TIAM2: variants seen among roughly 807,000 people sequenced by gnomAD.
The protein encoded by TIAM2 is rho guanine nucleotide exchange factor TIAM2.
TIAM2 carries 80 observed loss-of-function variants against 152.9 expected under a neutral mutation model. The observed-to-expected ratio is 0.52, with a 90% confidence interval of 0.44 to 0.63. TIAM2 has a LOEUF of 0.63. Among genes scored for constraint, TIAM2 ranks in the 30% least tolerant of loss-of-function variants. The probability of loss-of-function intolerance (pLI) is 0.00; values close to 1 mark genes in which losing one functional copy is unlikely to be tolerated. For synonymous variants in TIAM2, 804 were observed against 838.0 expected (o/e 0.96, Z 0.70); for missense variants, 1,965 against 2,120.1 (o/e 0.93, Z 1.44).
chr6:155,091,708 A>G (rs1778308541), intron 2 of TIAM2, among the ~76,000 whole-genome samples: 1 of 151,980 alleles, frequency 6.6e-6, no homozygotes, highest in Admixed American at 6.6e-5. Context: ...TTTTTTTATC[A>G]TCTACATTGG....
At chr6:155,052,670 G>T (rs1209918811) in intron 1 of TIAM2, among the ~76,000 whole-genome samples, 2 of 151,410 alleles carry the variant, frequency 1.3e-5, no homozygotes, top group Admixed American at 6.6e-5. Context: ...GGAGGCTAAG[G>T]CAGGAGAATC....
chr6:155,254,268 T>C lies in TIAM2; in HGVS notation c.4314-151T>C. 13 of 1,069,526 alleles carry C rather than the reference T, an allele frequency of 1.2e-5. No individual in the cohort carries two copies. The South Asian group carries it at 1.6e-4, about 13-fold the overall frequency. The allele number at this position is 1,069,526 out of a possible 1,614,324, so 66.3% of individuals were successfully genotyped here. On this transcript the variant is annotated intron_variant, in intron 25 of 26. Coordinates refer to ENST00000682666, the MANE Select transcript of TIAM2 (RefSeq NM_012454.4). ...TAAGAGTGATCAATTCTCACCTCCT[T>C]CTGTACGGGAGGCCACATGGCACTG... is the stretch of plus-strand genomic sequence containing the variant.
At chr6:155,197,816 T>C (rs771206544) in intron 14 of TIAM2, among the ~76,000 whole-genome samples, 8 of 152,132 alleles carry the variant, frequency 5.3e-5, no homozygotes, top group Non-Finnish European at 1.0e-4. Flanking sequence ...TGCCCAAGGT[T>C]AAATTACCTC....
In TIAM2 at chr6:155,144,794, TG is replaced by T; in HGVS notation, c.1803+17del. 2 of 1,599,028 alleles carry T rather than the reference TG, an allele frequency of 1.3e-6. No homozygotes were observed. The highest frequency in any genetic ancestry group is 1.7e-6 in the Non-Finnish European group (2 of 1,175,532). On this transcript the variant is annotated intron_variant, in intron 6 of 26. Transcript: ENST00000682666. The stretch of plus-strand genomic sequence containing the variant: ...CCTTTTCCAGGTACTGCTGGTACTT[TG>T]TAAGTGGAGGTAATAGCTTATGTAC...
At position 155,051,711 on chromosome 6, in the gene TIAM2, C is replaced by G. The variant is rs143031418; in HGVS notation, c.-208-38578C>G. On this transcript the variant is annotated intron_variant, in intron 1 of 26. Transcript: ENST00000682666. Reference sequence around the variant, plus strand: ...CCAGGCTGGAGTGCAATGGCACAACCTTGGCTCACTGCAACTTCCGCCTCC... The same window carrying G: ...CCAGGCTGGAGTGCAATGGCACAACGTTGGCTCACTGCAACTTCCGCCTCC... 3.5e-4 allele frequency among the ~76,000 whole-genome samples: 54 copies of G among 152,226 alleles called. 2 individuals are homozygous for G. In the East Asian group the frequency reaches 0.01, roughly 28 times the overall value.
At chr6:155,067,861 C>G (rs886742441) in intron 1 of TIAM2, among the ~76,000 whole-genome samples, 1 of 152,040 alleles carries the variant, frequency 6.6e-6, no homozygotes, top group Admixed American at 6.6e-5. Flanking sequence ...GGGCTGGTCT[C>G]GAACTCCTGG....
intron 7 of TIAM2, among the ~76,000 whole-genome samples, chr6:155,162,783 T>C (rs1228951668): frequency 6.6e-6 from 1 of 152,224 alleles, no homozygotes; most frequent in Non-Finnish European, 1.5e-5. Flanking sequence ...CTGATACCAG[T>C]AGGCCACCAC....
chr6:155,252,804 T>C, intron 23 of TIAM2, 144 bp from the exon 24 acceptor site: 1 of 660,528 alleles, frequency 1.5e-6, no homozygotes. Flanking sequence ...GGTGCGTAGC[T>C]GATTGACTTC....
intron 2 of TIAM2, among the ~76,000 whole-genome samples, chr6:155,124,999 G>A (rs768972647): frequency 5.3e-5 from 8 of 152,062 alleles, no homozygotes; most frequent in Admixed American, 3.3e-4. Context: ...CACTGAGGCC[G>A]GGTGTGGTGC....
At chr6:155,137,991 C>G (rs1227346198) in intron 5 of TIAM2, among the ~76,000 whole-genome samples, 2 of 152,224 alleles carry the variant, frequency 1.3e-5, no homozygotes, top group African/African-American at 4.8e-5. Context: ...CGTGGGCCAC[C>G]ACACCTGGCT....
chr6:155,022,777 G>A (rs962462801), intron 1 of TIAM2, among the ~76,000 whole-genome samples: 2 of 152,202 alleles, frequency 1.3e-5, no homozygotes, highest in African/African-American at 4.8e-5. Flanking sequence ...TGAGTTATGA[G>A]AAGTTAAAGC....
At chr6:155,084,600 T>G (rs543805927) in intron 1 of TIAM2, among the ~76,000 whole-genome samples, 1 of 152,330 alleles carries the variant, frequency 6.6e-6, no homozygotes, top group African/African-American at 2.4e-5. Context: ...TTTTTGGTGT[T>G]TCACATGGGC....
chr6:155,110,294 C>G (rs1778807106), intron 2 of TIAM2, among the ~76,000 whole-genome samples: 1 of 148,986 alleles, frequency 6.7e-6, no homozygotes, highest in Non-Finnish European at 1.5e-5. Flanking sequence ...GTCCATCCTT[C>G]CTTCTTCCTT....
intron 1 of TIAM2, among the ~76,000 whole-genome samples, chr6:155,054,996 G>GAT (rs1777410313): frequency 1.3e-5 from 2 of 152,136 alleles, no homozygotes; most frequent in South Asian, 4.1e-4. Context: ...TTTTGTGTGT[G>GAT]ATAGATGGGA....
intron 2 of TIAM2, among the ~76,000 whole-genome samples, chr6:155,109,813 T>C (rs904969900): frequency 1.3e-5 from 2 of 152,222 alleles, no homozygotes; most frequent in Non-Finnish European, 2.9e-5. Flanking sequence ...CCAGGTATCC[T>C]GTTAGTCTTT....
chr6:155,182,231 G>A lies in TIAM2; in HGVS notation c.2713G>A (p.Ala905Thr), dbSNP rs1352926291. The A allele has an allele frequency of 6.2e-7, 1 of 1,614,086 alleles. No individual in the cohort carries two copies. Among genetic ancestry groups the A allele is most frequent in the African/African-American group, 1.3e-5 (1 of 75,054 alleles). Residue 905 changes from alanine (A) to threonine (T), a missense_variant, in exon 13 of 27, where the codon GCA (alanine) becomes ACA (threonine). Physicochemically the swap from Ala to Thr is moderately conservative, Grantham distance 58. This residue lies in a region of TIAM2 where 5 missense variants were observed against 20.7 expected (regional missense o/e 0.24). Coordinates refer to ENST00000682666, the MANE Select transcript of TIAM2 (RefSeq NM_012454.4). ...CCTTTTGTTTTCATTCCTAGGGTTT[G>A]CAGTTACAGCGCAGGTGGATGAGCG... ...KTGSVCDFGF[A>T]VTAQVDERQH...
At chr6:155,002,619 A>G (rs968196697) in intron 1 of TIAM2, among the ~76,000 whole-genome samples, 2 of 151,714 alleles carry the variant, frequency 1.3e-5, no homozygotes, top group African/African-American at 4.8e-5. Flanking sequence ...TGCATTCATC[A>G]TATAATATTT....
chr6:155,036,608 AT>A (rs1776927793), intron 1 of TIAM2, among the ~76,000 whole-genome samples: 1 of 143,918 alleles, frequency 6.9e-6, no homozygotes, highest in Non-Finnish European at 1.5e-5. Flanking sequence ...TTATTTATTT[AT>A]TTATTTATTT....
At chr6:155,187,842 T>A (rs1781090014) in intron 14 of TIAM2, among the ~76,000 whole-genome samples, 1 of 152,018 alleles carries the variant, frequency 6.6e-6, no homozygotes, top group Admixed American at 6.6e-5. Context: ...CCTCCCAAAG[T>A]GCTGGGATTA....
Sources: gnomAD v4.1 joint callset for allele counts (sites outside exome capture counted in the v4.1 genomes callset) on GRCh38, gnomAD v4.1.1 for gene constraint, gnomAD v4.1.1 regional missense constraint, MANE v1.5 for transcripts, NCBI Gene and HGNC (gene_info 2026-07-23, HGNC 2026-07-21) for gene names.